Variants in PIGU observed in about 807,000 individuals in gnomAD.
PIGU encodes the protein phosphatidylinositol glycan anchor biosynthesis class U.
In PIGU, 24 loss-of-function variants were observed where a neutral mutation model predicts 49.9. The ratio of observed to expected loss-of-function variants is 0.48; its 90% CI spans 0.35 to 0.68. The LOEUF (loss-of-function observed/expected upper bound fraction) is 0.68. PIGU is among the 30% of genes least tolerant of loss of function. PIGU has a pLI of 0.01. For synonymous variants in PIGU, 220 were observed against 205.7 expected (o/e 1.07, Z -0.59); for missense variants, 490 against 532.6 (o/e 0.92, Z 0.79).
intron 7 of PIGU, among the ~76,000 whole-genome samples, chr20:34,614,505 G>C (rs1984934518): frequency 6.6e-6 from 1 of 151,558 alleles, no homozygotes; most frequent in South Asian, 2.1e-4. Context: ...CACACCTGTA[G>C]TCCCAGTTAC....
At chr20:34,591,039 A>T (rs6087603) in intron 7 of PIGU, among the ~76,000 whole-genome samples, 7,893 of 150,398 alleles carry the variant, frequency 0.052, 371 homozygotes, top group South Asian at 0.21. Flanking sequence ...GAGAAAAAAA[A>T]ATATATATAT....
At chr20:34,669,242 C>T (rs950414234) in intron 1 of PIGU, among the ~76,000 whole-genome samples, 1 of 152,070 alleles carries the variant, frequency 6.6e-6, no homozygotes, top group Non-Finnish European at 1.5e-5. Flanking sequence ...CCAATGCTAT[C>T]ATCTTAGTTT....
At chr20:34,563,491 C>T (rs1982615543) in intron 11 of PIGU, among the ~76,000 whole-genome samples, 1 of 152,160 alleles carries the variant, frequency 6.6e-6, no homozygotes, top group Non-Finnish European at 1.5e-5. Flanking sequence ...TGGTTTGAAC[C>T]TGGGAGGCGG....
chr20:34,622,236 C>T (rs886840976), intron 6 of PIGU, among the ~76,000 whole-genome samples: 21 of 151,964 alleles, frequency 1.4e-4, no homozygotes, highest in African/African-American at 3.1e-4. Context: ...AGTTACAATC[C>T]GGCTGGGCGT....
chr20:34,574,698 C>T (rs868605565), intron 11 of PIGU, among the ~76,000 whole-genome samples: 2 of 152,288 alleles, frequency 1.3e-5, no homozygotes, highest in Middle Eastern at 6.8e-3. Flanking sequence ...TATCTACTCC[C>T]TATGGGTGCT....
At chr20:34,581,349 G>C (rs999322900) in intron 10 of PIGU, among the ~76,000 whole-genome samples, 199 bp downstream of exon 10, 2 of 152,204 alleles carry the variant, frequency 1.3e-5, no homozygotes. Flanking sequence ...CACAGTAAGT[G>C]CTCAATAAAT....
At position 34,560,838 on chromosome 20, in the gene PIGU, G is replaced by A. The variant is rs773875817; in HGVS notation, c.*28C>T. 2 of 1,507,674 alleles carry A rather than the reference G, an allele frequency of 1.3e-6. No individual in the cohort carries two copies. The highest frequency in any genetic ancestry group is 1.2e-5 in the South Asian group (1 of 84,164). The allele number at this position is 1,507,674 out of a possible 1,614,324, so 93.4% of individuals were successfully genotyped here. A position where few individuals can be genotyped will look rare whatever the true frequency, so the allele number is the denominator to read the frequency against. ...AGCTTCTGGCCCCACAGCCCCCTGA[G>A]GTCCATGCAGCCCTGTGCCAGCCAG... is the stretch of plus-strand genomic sequence containing the variant. On this transcript the variant is annotated 3_prime_UTR_variant, in exon 12 of 12. Transcript: ENST00000217446.
intron 5 of PIGU, among the ~76,000 whole-genome samples, chr20:34,636,877 A>G (rs1426602796): frequency 3.3e-5 from 5 of 152,180 alleles, no homozygotes; most frequent in Non-Finnish European, 5.9e-5. Flanking sequence ...AATTACAGAC[A>G]GGCTTGTTAC....
chr20:34,588,387 C>T, intron 8 of PIGU, 66 bp downstream of exon 8: 2 of 1,360,642 alleles, frequency 1.5e-6, no homozygotes, highest in South Asian at 1.6e-5. Context: ...ACATTCTTGA[C>T]AACAGTATAC....
At chr20:34,613,789 G>C (rs1176064539) in intron 7 of PIGU, among the ~76,000 whole-genome samples, 1 of 152,174 alleles carries the variant, frequency 6.6e-6, no homozygotes, top group Non-Finnish European at 1.5e-5. Context: ...ACTGTATGGT[G>C]ACACATCTAC....
At chr20:34,611,441 T>C (rs1486626027) in intron 7 of PIGU, among the ~76,000 whole-genome samples, 1 of 151,620 alleles carries the variant, frequency 6.6e-6, no homozygotes, top group Non-Finnish European at 1.5e-5. Context: ...GGTCAGGAGA[T>C]TGAGACCATC....
intron 11 of PIGU, among the ~76,000 whole-genome samples, chr20:34,562,758 C>G (rs1982582682): frequency 6.6e-6 from 1 of 152,242 alleles, no homozygotes; most frequent in Admixed American, 6.5e-5. Context: ...AGAGCTCAGG[C>G]AGCCCCCGAG....
intron 7 of PIGU, among the ~76,000 whole-genome samples, chr20:34,593,744 T>A (rs1414442731): frequency 1.3e-5 from 2 of 152,212 alleles, no homozygotes; most frequent in Non-Finnish European, 2.9e-5. Flanking sequence ...CCAAATATAT[T>A]TTTTAAATGA....
chr20:34,645,943 A>C (rs1986330888), intron 2 of PIGU, among the ~76,000 whole-genome samples: 1 of 152,152 alleles, frequency 6.6e-6, no homozygotes, highest in Admixed American at 6.5e-5. Flanking sequence ...AAGACACTAA[A>C]GGTAAGAGGT....
At chr20:34,581,938 T>A (rs1391880874) in intron 9 of PIGU, among the ~76,000 whole-genome samples, 1 of 152,152 alleles carries the variant, frequency 6.6e-6, no homozygotes, top group Admixed American at 6.5e-5. Context: ...AGTCCCCCTC[T>A]GCCTCTGCCA....
chr20:34,641,208 C>T (rs927615262), intron 4 of PIGU, among the ~76,000 whole-genome samples: 3 of 152,136 alleles, frequency 2.0e-5, no homozygotes, highest in East Asian at 1.9e-4. Flanking sequence ...TGAGCCACAG[C>T]GCCCGGCTAT....
At chr20:34,570,741 T>G (rs749123519) in intron 11 of PIGU, among the ~76,000 whole-genome samples, 10 of 152,268 alleles carry the variant, frequency 6.6e-5, no homozygotes, top group Admixed American at 1.3e-4. Context: ...GATTTTCTTA[T>G]GTTCTCTGTT....
At chr20:34,638,535 G>A (rs1209596436) in intron 4 of PIGU, among the ~76,000 whole-genome samples, 1 of 152,216 alleles carries the variant, frequency 6.6e-6, no homozygotes, top group Admixed American at 6.5e-5. Flanking sequence ...ATGACTTGCT[G>A]GCAAAGCAAA....
chr20:34,644,426 T>C lies in PIGU; in HGVS notation c.256-200A>G, dbSNP rs546680837. 6.2e-4 allele frequency among the ~76,000 whole-genome samples: 94 copies of C among 152,288 alleles called. 1 individual carries two copies. The South Asian group carries it at 0.019, about 31-fold the overall frequency. ...AGGGTGAACTGGAAATCCCTGAGGA[T>C]CAGGACCCATCTAGGTTCACTTCAG... On this transcript the variant is annotated intron_variant, in intron 3 of 11. Transcript: ENST00000217446.
Sources: allele counts gnomAD v4.1 joint callset (sites outside exome capture counted in the v4.1 genomes callset), GRCh38; gene constraint gnomAD v4.1.1; transcripts MANE v1.5; gene names NCBI Gene and HGNC (gene_info 2026-07-23, HGNC 2026-07-21).